The following TNFAIP8 variants were observed in gnomAD, a reference collection of about 807,000 sequenced individuals.
TNFAIP8 encodes the protein tumor necrosis factor alpha-induced protein 8.
Under a neutral mutation model 13.3 loss-of-function variants are expected in TNFAIP8, and 7 were observed. The observed-to-expected ratio is 0.52, with a 90% CI of 0.30 to 0.99. The LOEUF is 0.99. Among genes scored for constraint, TNFAIP8 ranks in the 50% least tolerant of loss-of-function variants. The probability of loss-of-function intolerance (pLI) is 0.07; values close to 1 mark genes in which losing one functional copy is unlikely to be tolerated. For missense variants in TNFAIP8, 258 were observed against 236.9 expected, an observed-to-expected ratio of 1.09 and a Z score of -0.58; for synonymous variants, 94 against 87.6, an observed-to-expected ratio of 1.07 and a Z score of -0.41.
At chr5:119,351,514 G>A (rs900451491), upstream of TNFAIP8, among the ~76,000 whole-genome samples, 2 of 152,236 alleles carry the variant, frequency 1.3e-5, no homozygotes, top group Non-Finnish European at 2.9e-5. Context: ...TAATGTAAGT[G>A]TTCCGAACAC....
At chr5:119,297,536 A>T (rs1749216073) in intron 1 of TNFAIP8, among the ~76,000 whole-genome samples, 1 of 152,062 alleles carries the variant, frequency 6.6e-6, no homozygotes, top group South Asian at 2.1e-4. Context: ...CTATGTGGTC[A>T]ATTTTGGAAT....
intron 1 of TNFAIP8, among the ~76,000 whole-genome samples, chr5:119,390,956 C>T (rs1037814323): frequency 1.3e-5 from 2 of 151,578 alleles, no homozygotes; most frequent in African/African-American, 4.9e-5. Context: ...GTAACTGGGA[C>T]TACAGGTGCA....
At chr5:119,381,792 C>T (rs1468229113) in intron 1 of TNFAIP8, among the ~76,000 whole-genome samples, 1 of 151,972 alleles carries the variant, frequency 6.6e-6, no homozygotes, top group East Asian at 1.9e-4. Context: ...ATTAGTCGGG[C>T]ATGGTGGTGG....
At chr5:119,292,693 C>T (rs56314105) in intron 1 of TNFAIP8, among the ~76,000 whole-genome samples, 35,223 of 56,374 alleles carry the variant, frequency 0.62, 12,119 homozygotes, top group East Asian at 0.77. Context: ...TATACACACA[C>T]ACACAATGAA....
intron 1 of TNFAIP8, among the ~76,000 whole-genome samples, chr5:119,324,596 C>T: frequency 6.6e-6 from 1 of 152,014 alleles, no homozygotes; most frequent in Admixed American, 6.6e-5. Context: ...GATTGGCAGC[C>T]TCTATTTATT....
chr5:119,314,632 T>C (rs771611492), intron 1 of TNFAIP8, among the ~76,000 whole-genome samples: 23 of 152,238 alleles, frequency 1.5e-4, no homozygotes, highest in Admixed American at 7.8e-4. Flanking sequence ...GATTTGTTTT[T>C]TTGTTTTTGA....
intron 1 of TNFAIP8, among the ~76,000 whole-genome samples, chr5:119,306,006 G>A (rs564805405): frequency 2.2e-4 from 33 of 152,252 alleles, no homozygotes; most frequent in Admixed American, 1.1e-3. Context: ...TGCCTGCGCC[G>A]CCCTGCCCTC....
intron 1 of TNFAIP8, among the ~76,000 whole-genome samples, chr5:119,347,651 C>G (rs6883657): frequency 0.21 from 31,321 of 152,050 alleles, 3,397 homozygotes; most frequent in Non-Finnish European, 0.22. Context: ...GTAACCTGAC[C>G]TATTCAAGAG....
chr5:119,329,003 G>A (rs1750299601), intron 1 of TNFAIP8, among the ~76,000 whole-genome samples: 1 of 152,214 alleles, frequency 6.6e-6, no homozygotes, highest in Non-Finnish European at 1.5e-5. Context: ...TTTCATTGGT[G>A]CTGCAAGTGT....
intron 1 of TNFAIP8, among the ~76,000 whole-genome samples, chr5:119,356,549 C>T (rs975974406): frequency 2.0e-5 from 3 of 151,956 alleles, no homozygotes; most frequent in Non-Finnish European, 4.4e-5. Flanking sequence ...TATATGTTTC[C>T]GGCTAAAAGG....
chr5:119,294,303 T>A (rs1158360382), intron 1 of TNFAIP8, among the ~76,000 whole-genome samples: 4 of 151,524 alleles, frequency 2.6e-5, no homozygotes, highest in Non-Finnish European at 5.9e-5. Context: ...GGTGTTTGGT[T>A]TTTTGTCCTT....
intron 1 of TNFAIP8, among the ~76,000 whole-genome samples, chr5:119,331,301 A>G (rs1750372534): frequency 1.3e-5 from 2 of 151,460 alleles, no homozygotes; most frequent in Admixed American, 1.3e-4. Flanking sequence ...TACTTACTTG[A>G]GAATCTCCCT....
At chr5:119,372,215 C>T (rs1752104938) in intron 1 of TNFAIP8, among the ~76,000 whole-genome samples, 2 of 150,382 alleles carry the variant, frequency 1.3e-5, no homozygotes, top group Non-Finnish European at 3.0e-5. Context: ...GTAGTACTAG[C>T]TACTCAGAAG....
intron 1 of TNFAIP8, among the ~76,000 whole-genome samples, chr5:119,301,574 A>G (rs181779974): frequency 3.7e-4 from 56 of 152,340 alleles, no homozygotes; most frequent in African/African-American, 1.3e-3. Context: ...TTGGAGTCCC[A>G]TCTGTATCTC....
Position 119,393,534 on chromosome 5 carries a change from G to T in TNFAIP8, c.*153G>T. The T allele has an allele frequency of 3.5e-6, 3 of 862,416 alleles. No homozygotes were observed. Among genetic ancestry groups the T allele is most frequent in the Non-Finnish European group, 5.2e-6 (3 of 581,532 alleles). 53.4% of individuals were successfully genotyped at this position (862,416 alleles called of 1,614,324 possible). On this transcript the variant is annotated 3_prime_UTR_variant, in exon 2 of 2. Coordinates refer to ENST00000504771, the MANE Select transcript of TNFAIP8 (RefSeq NM_014350.4). ...GTCAGACATAATGATTTATTTGAAGGCTTGTTTTATTTGAAGAAAAGCATA... is the reference window on the plus strand; with the variant it reads ...GTCAGACATAATGATTTATTTGAAGTCTTGTTTTATTTGAAGAAAAGCATA...
In TNFAIP8 at chr5:119,393,303, T is replaced by A. The variant is rs1194769608; in HGVS notation, c.519T>A (p.Asn173Lys). 6.2e-7 allele frequency: 1 copy of A among 1,614,050 alleles called. No homozygotes were observed. Among genetic ancestry groups the A allele is most frequent in the Non-Finnish European group, 8.5e-7 (1 of 1,179,888 alleles). The change falls in exon 2 of 2, where the codon AAT becomes AAA. Residue 173 changes from asparagine (N) to lysine (K), a missense_variant. Transcript: ENST00000504771. The part of the protein sequence containing the change: ...SDCEFLAALY[N>K]PFGNFKPHLQ... ...GTGAATTTTTGGCTGCCTTGTATAA[T>A]CCTTTTGGGAATTTTAAACCCCACT...
At chr5:119,285,040 T>C (rs1748736977) in intron 1 of TNFAIP8, among the ~76,000 whole-genome samples, 1 of 152,198 alleles carries the variant, frequency 6.6e-6, no homozygotes, top group Non-Finnish European at 1.5e-5. Flanking sequence ...AAGCATCATT[T>C]ATACCCAGAG....
At chr5:119,366,528 C>A (rs1330201694) in intron 1 of TNFAIP8, among the ~76,000 whole-genome samples, 4 of 152,118 alleles carry the variant, frequency 2.6e-5, no homozygotes, top group Admixed American at 1.3e-4. Context: ...AAATGATTTC[C>A]TCAAAAAAGC....
intron 1 of TNFAIP8, among the ~76,000 whole-genome samples, chr5:119,373,608 GT>G (rs1752169838): frequency 6.6e-6 from 1 of 152,222 alleles, no homozygotes; most frequent in African/African-American, 2.4e-5. Context: ...AGGGCTGTCT[GT>G]GGCTGAGATC....
Sources: allele counts gnomAD v4.1 joint callset (sites outside exome capture counted in the v4.1 genomes callset), GRCh38; gene constraint gnomAD v4.1.1; transcripts MANE v1.5; gene names NCBI Gene and HGNC (gene_info 2026-07-23, HGNC 2026-07-21).